Variants in ZFPM2 observed in about 807,000 individuals in gnomAD.
ZFPM2 encodes zinc finger protein, FOG family member 2, also known as zinc finger protein ZFPM2.
In ZFPM2, 20 loss-of-function variants were observed where a neutral mutation model predicts 98.6. The observed-to-expected ratio is 0.20, with a 90% CI of 0.14 to 0.29. ZFPM2 has a LOEUF of 0.29. ZFPM2 is among the 10% of genes least tolerant of loss of function. The pLI, the probability that ZFPM2 is intolerant of heterozygous loss-of-function variation, is 1.00. For missense variants in ZFPM2, 1,310 were observed against 1,388.6 expected (o/e 0.94, Z 0.90); for synonymous variants, 518 against 502.7 (o/e 1.03, Z -0.41).
Position 105,318,946 on chromosome 8 carries a change from C to T in ZFPM2, c.5C>T (p.Ser2Phe). The T allele has an allele frequency of 1.4e-6, 2 of 1,457,194 alleles. No homozygotes were observed. The highest frequency in any genetic ancestry group is 9.1e-7 in the Non-Finnish European group (1 of 1,094,010). The allele number at this position is 1,457,194 out of a possible 1,614,324, so 90.3% of individuals were successfully genotyped here. ...GCGGCAGCAGCCGCCGCCGAGATGT[C>T]CCGGCGAAAGCAAAGCAAACCCCGG... is the stretch of plus-strand genomic sequence containing the variant. MSRRKQSKPRQI... is the reference protein window; with the variant it reads MFRRKQSKPRQI... Residue 2 changes from serine (S) to phenylalanine (F), a missense_variant, in exon 1 of 8, where the codon TCC becomes TTC. Physicochemically the swap from Ser to Phe is radical, Grantham distance 155 (BLOSUM62 -2). Transcript: ENST00000407775.
chr8:105,804,404 A>G lies in ZFPM2; in HGVS notation c.*866A>G, dbSNP rs767975043. The G allele has an allele frequency of 6.6e-6, 1 of 152,618 alleles. No individual in the cohort carries two copies. The highest frequency in any genetic ancestry group is 1.5e-5 in the Non-Finnish European group (1 of 68,028). The allele number at this position is 152,618 out of a possible 1,614,324, so 9.5% of individuals were successfully genotyped here. A position where few individuals can be genotyped will look rare whatever the true frequency, so the allele number is the denominator to read the frequency against. Reference sequence around the variant, plus strand: ...TGAATTTAATTCATATATAAGATCTATTTAAATATAAGAGTAGCAATACTG... The same window carrying G: ...TGAATTTAATTCATATATAAGATCTGTTTAAATATAAGAGTAGCAATACTG... On this transcript the variant is annotated 3_prime_UTR_variant, in exon 8 of 8. Coordinates refer to ENST00000407775, the MANE Select transcript of ZFPM2 (RefSeq NM_012082.4).
intron 4 of ZFPM2, among the ~76,000 whole-genome samples, chr8:105,606,705 G>C (rs1483781777): frequency 6.6e-6 from 1 of 151,890 alleles, no homozygotes; most frequent in Non-Finnish European, 1.5e-5. Context: ...GTCATCTCCT[G>C]GTAACAGTCC....
chr8:105,795,872 AG>A, intron 6 of ZFPM2: 1 of 411,236 alleles, frequency 2.4e-6, no homozygotes, highest in Non-Finnish European at 4.8e-6. Flanking sequence ...ACATCTTAAG[AG>A]GAGAATAGAT....
chr8:105,329,126 G>C (rs534654915), intron 1 of ZFPM2, among the ~76,000 whole-genome samples: 2 of 151,962 alleles, frequency 1.3e-5, no homozygotes, highest in African/African-American at 4.8e-5. Flanking sequence ...GAAACGAAGA[G>C]AGCGTCTGAT....
Position 105,798,917 on chromosome 8 carries a change from A to G in ZFPM2, c.933A>G (p.Arg311=). 2 of 1,613,904 alleles carry G rather than the reference A, an allele frequency of 1.2e-6. No homozygotes were observed. The highest frequency in any genetic ancestry group is 1.7e-6 in the Non-Finnish European group (2 of 1,179,804). ...GCACCAAGAGCTTTTCAAATGCTCG[A>G]GCTCTAGAAATGCACCTGAATTCAC... ...PQCTKSFSNA[R]ALEMHLNSHS... Residue 311 remains arginine (R), a synonymous_variant, in exon 7 of 8, where the codon CGA becomes CGG. Coordinates refer to ENST00000407775, the MANE Select transcript of ZFPM2 (RefSeq NM_012082.4).
At chr8:105,552,235 C>G (rs1348736412) in intron 3 of ZFPM2, among the ~76,000 whole-genome samples, 1 of 152,110 alleles carries the variant, frequency 6.6e-6, no homozygotes, top group East Asian at 1.9e-4. Flanking sequence ...ATGGACGGAC[C>G]TTTCTGTGGC....
intron 5 of ZFPM2, among the ~76,000 whole-genome samples, chr8:105,783,549 C>T (rs775291402): frequency 2.6e-5 from 4 of 152,078 alleles, no homozygotes; most frequent in Non-Finnish European, 4.4e-5. Flanking sequence ...AATCCTCATC[C>T]CCGTATCCCA....
At chr8:105,419,338 A>G (rs374920176) in intron 2 of ZFPM2, 36 bp downstream of exon 2, 95 of 1,593,460 alleles carry the variant, frequency 6.0e-5, no homozygotes, top group Non-Finnish European at 7.2e-5. Flanking sequence ...ATGTGAGTCC[A>G]CTTAAATGAT....
chr8:105,728,662 T>C (rs1265177853), intron 5 of ZFPM2, among the ~76,000 whole-genome samples: 1 of 151,760 alleles, frequency 6.6e-6, no homozygotes, highest in Non-Finnish European at 1.5e-5. Context: ...TCTACATCAT[T>C]AAATCTCGTG....
chr8:105,683,182 A>G (rs1008167660), intron 5 of ZFPM2, among the ~76,000 whole-genome samples: 1 of 152,054 alleles, frequency 6.6e-6, no homozygotes, highest in African/African-American at 2.4e-5. Context: ...CTAGGATTTC[A>G]ACATAAGAAT....
intron 5 of ZFPM2, among the ~76,000 whole-genome samples, chr8:105,778,912 A>G (rs558888150): frequency 4.5e-4 from 55 of 122,326 alleles, no homozygotes; most frequent in Non-Finnish European, 7.3e-4. Flanking sequence ...TTTTTTTTTT[A>G]CGCATACGTC....
At chr8:105,481,642 C>A (rs2130386757) in intron 3 of ZFPM2, among the ~76,000 whole-genome samples, 1 of 152,162 alleles carries the variant, frequency 6.6e-6, no homozygotes, top group African/African-American at 2.4e-5. Flanking sequence ...AAGTCCCTCC[C>A]AAATGTTCAG....
intron 3 of ZFPM2, among the ~76,000 whole-genome samples, chr8:105,548,977 A>G (rs1462976441): frequency 6.6e-6 from 1 of 152,214 alleles, no homozygotes; most frequent in Non-Finnish European, 1.5e-5. Flanking sequence ...TATGAACAAA[A>G]TAGTCCTGGG....
At chr8:105,546,969 T>A (rs908262194) in intron 3 of ZFPM2, among the ~76,000 whole-genome samples, 7 of 152,184 alleles carry the variant, frequency 4.6e-5, no homozygotes, top group African/African-American at 1.4e-4. Flanking sequence ...TATCACAGTT[T>A]CCCTTTTTTT....
intron 5 of ZFPM2, among the ~76,000 whole-genome samples, chr8:105,673,945 T>C (rs1817643240): frequency 6.6e-6 from 1 of 152,222 alleles, no homozygotes; most frequent in Admixed American, 6.5e-5. Context: ...TGTTATGATA[T>C]TAAAACTATG....
At chr8:105,540,456 A>G (rs2130623200) in intron 3 of ZFPM2, among the ~76,000 whole-genome samples, 1 of 152,258 alleles carries the variant, frequency 6.6e-6, no homozygotes, top group African/African-American at 2.4e-5. Flanking sequence ...GATGGCTCAT[A>G]GTAGGCACTA....
At chr8:105,398,840 T>A (rs1586344279) in intron 1 of ZFPM2, among the ~76,000 whole-genome samples, 2 of 152,286 alleles carry the variant, frequency 1.3e-5, no homozygotes, top group East Asian at 3.9e-4. Flanking sequence ...TTGTGTAAGA[T>A]AACCGATTTA....
At chr8:105,525,297 T>A in intron 3 of ZFPM2, among the ~76,000 whole-genome samples, 1 of 152,226 alleles carries the variant, frequency 6.6e-6, no homozygotes, top group East Asian at 1.9e-4. Flanking sequence ...TTCTGACCTA[T>A]CAGCTTTATT....
chr8:105,382,709 G>C (rs1810911580), intron 1 of ZFPM2, among the ~76,000 whole-genome samples: 1 of 152,072 alleles, frequency 6.6e-6, no homozygotes, highest in Non-Finnish European at 1.5e-5. Context: ...GAAAGACTAA[G>C]TATAGGGGAA....
Sources: allele counts gnomAD v4.1 joint callset (sites outside exome capture counted in the v4.1 genomes callset), GRCh38; gene constraint gnomAD v4.1.1; transcripts MANE v1.5; gene names NCBI Gene and HGNC (gene_info 2026-07-23, HGNC 2026-07-21).